AP4E1: variants seen among roughly 807,000 people sequenced by gnomAD.
AP4E1 encodes adaptor related protein complex 4 subunit epsilon 1.
AP4E1 carries 56 observed loss-of-function variants against 128.2 expected under a neutral mutation model. The observed-to-expected ratio is 0.44, with a 90% CI of 0.35 to 0.55. The LOEUF (loss-of-function observed/expected upper bound fraction) is 0.55, where lower values mean the gene tolerates loss of function less well. AP4E1 is among the 20% of genes least tolerant of loss of function. AP4E1 has a pLI of 0.00. For synonymous variants in AP4E1, 484 were observed against 473.1 expected (o/e 1.02, Z -0.30); for missense variants, 1,324 against 1,307.7 (o/e 1.01, Z -0.19).
Position 50,934,783 on chromosome 15 carries a change from C to G in AP4E1, c.943+86C>G, listed in dbSNP as rs2141165038. Reference sequence around the variant, plus strand: ...AATCTGTGTTAGAATGCTATAAATTCCAATAGAATTTTATACACTGATTTT... The same window carrying G: ...AATCTGTGTTAGAATGCTATAAATTGCAATAGAATTTTATACACTGATTTT... On this transcript the variant is annotated intron_variant, in intron 8 of 20. Transcript: ENST00000261842. The G allele has an allele frequency of 4.6e-6, 4 of 877,400 alleles. No homozygotes were observed. In the South Asian group the frequency reaches 6.0e-5, roughly 13 times the overall value. The allele number at this position is 877,400 out of a possible 1,614,324, so 54.4% of individuals were successfully genotyped here.
intron 3 of AP4E1, among the ~76,000 whole-genome samples, chr15:50,918,792 T>C (rs2063659235): frequency 6.6e-6 from 1 of 152,266 alleles, no homozygotes; most frequent in Non-Finnish European, 1.5e-5. Context: ...GATTATTCTA[T>C]ACCTTGTTTT....
chr15:50,945,669 C>A, intron 10 of AP4E1: 1 of 781,048 alleles, frequency 1.3e-6, no homozygotes, highest in South Asian at 1.4e-5. Flanking sequence ...GCACTTCTGA[C>A]AGCAAGTATA....
chr15:50,921,838 C>T (rs532983415), intron 3 of AP4E1, among the ~76,000 whole-genome samples: 1 of 152,146 alleles, frequency 6.6e-6, no homozygotes, highest in East Asian at 1.9e-4. Context: ...TTTTTTGAGT[C>T]ACAGTGTTTT....
chr15:50,928,947 C>T (rs1596464214), intron 5 of AP4E1, 62 bp from the exon 6 acceptor site: 9 of 1,537,618 alleles, frequency 5.9e-6, no homozygotes, highest in Non-Finnish European at 7.2e-6. Flanking sequence ...GGCCTATAAT[C>T]TTTCAAAGTA....
At chr15:50,947,893 A>C in intron 10 of AP4E1, 127 bp from the exon 11 acceptor site, 1 of 755,224 alleles carries the variant, frequency 1.3e-6, no homozygotes, top group Non-Finnish European at 2.1e-6. Context: ...TTACCTGTTA[A>C]CTGACTACCC....
intron 14 of AP4E1, among the ~76,000 whole-genome samples, chr15:50,962,285 G>GA (rs1032622344): frequency 6.6e-6 from 1 of 151,928 alleles, no homozygotes; most frequent in Non-Finnish European, 1.5e-5. Flanking sequence ...AGAACCATGA[G>GA]ACTCTGAATA....
At chr15:50,907,781 G>A (rs961127851), upstream of AP4E1, among the ~76,000 whole-genome samples, 2 of 152,190 alleles carry the variant, frequency 1.3e-5, no homozygotes, top group Non-Finnish European at 2.9e-5. Context: ...TTGACTTTGT[G>A]AATTCCCTAG....
intron 13 of AP4E1, among the ~76,000 whole-genome samples, chr15:50,950,658 A>G (rs191161573): frequency 6.6e-6 from 1 of 151,916 alleles, no homozygotes; most frequent in African/African-American, 2.4e-5. Context: ...CAGGATGTGT[A>G]GGTTTGTTAC....
At chr15:50,928,365 G>A (rs1220853017) in intron 5 of AP4E1, among the ~76,000 whole-genome samples, 2 of 152,070 alleles carry the variant, frequency 1.3e-5, no homozygotes, top group Non-Finnish European at 2.9e-5. Context: ...TTGGCTCACT[G>A]CAACTTCTGC....
chr15:50,911,634 C>G (rs540799608), intron 1 of AP4E1, among the ~76,000 whole-genome samples: 1 of 149,006 alleles, frequency 6.7e-6, no homozygotes, highest in East Asian at 2.0e-4. Context: ...GATTACAGGA[C>G]CCCCAGCTAA....
chr15:50,926,717 G>A (rs2063773873), intron 5 of AP4E1, among the ~76,000 whole-genome samples: 1 of 151,688 alleles, frequency 6.6e-6, no homozygotes, highest in Admixed American at 6.6e-5. Context: ...TTCTGCCTCA[G>A]CCTCCTGAGT....
In AP4E1 at chr15:50,941,782, T is replaced by A; in HGVS notation, c.1176+7T>A. 1 of 1,595,546 alleles carries A rather than the reference T, an allele frequency of 6.3e-7. No homozygotes were observed. Among genetic ancestry groups the A allele is most frequent in the South Asian group, 1.1e-5 (1 of 90,676 alleles). ...TCCCATTATTAAAAGAGAGGTAAAC[T>A]GGTATTTTGAATAGTATATGTGAAG... is the stretch of plus-strand genomic sequence containing the variant. On this transcript the variant is annotated splice_region_variant and intron_variant, in intron 10 of 20. Transcript: ENST00000261842.
chr15:50,909,637 A>G (rs1051781516), intron 1 of AP4E1, among the ~76,000 whole-genome samples: 1 of 151,902 alleles, frequency 6.6e-6, no homozygotes, highest in Non-Finnish European at 1.5e-5. Context: ...CTGGAGTGCA[A>G]TGGTGCGATC....
intron 10 of AP4E1, chr15:50,946,135 G>A (rs2064058874): frequency 5.8e-6 from 3 of 520,802 alleles, no homozygotes; most frequent in South Asian, 5.5e-5. Context: ...GCTCCTTTTA[G>A]CTACCCTGAA....
chr15:50,968,035 G>T (rs932884687), intron 14 of AP4E1, among the ~76,000 whole-genome samples: 2 of 152,180 alleles, frequency 1.3e-5, no homozygotes, highest in Non-Finnish European at 2.9e-5. Context: ...GGCGAGGCTG[G>T]TCTCAAACTC....
intron 5 of AP4E1, among the ~76,000 whole-genome samples, chr15:50,927,094 A>G (rs1393613992): frequency 6.6e-6 from 1 of 152,226 alleles, no homozygotes; most frequent in Non-Finnish European, 1.5e-5. Context: ...ATCTGATTAT[A>G]AAAGCAGCAT....
intron 3 of AP4E1, 175 bp downstream of exon 3, chr15:50,915,746 T>A: frequency 1.3e-6 from 1 of 742,588 alleles, no homozygotes; most frequent in Non-Finnish European, 2.1e-6. Context: ...AAATCAGTTT[T>A]CCTGATGCAT....
intron 16 of AP4E1, among the ~76,000 whole-genome samples, chr15:50,989,501 C>G (rs1052062974): frequency 1.3e-5 from 2 of 148,206 alleles, no homozygotes; most frequent in Non-Finnish European, 3.0e-5. Flanking sequence ...TTTTTTTTTC[C>G]TGCTCTGTTA....
intron 15 of AP4E1, among the ~76,000 whole-genome samples, chr15:50,976,249 T>A (rs1228567892): frequency 6.6e-6 from 1 of 152,178 alleles, no homozygotes; most frequent in African/African-American, 2.4e-5. Flanking sequence ...ATTAATGTGA[T>A]ATCATGTTAA....
Sources: allele counts gnomAD v4.1 joint callset (sites outside exome capture counted in the v4.1 genomes callset), GRCh38; gene constraint gnomAD v4.1.1; transcripts MANE v1.5; gene names NCBI Gene and HGNC (gene_info 2026-07-23, HGNC 2026-07-21).